The following SLC25A16 variants were observed in gnomAD, a reference collection of about 807,000 sequenced individuals.
SLC25A16 encodes the protein mitochondrial coenzyme A transporter SLC25A16.
In SLC25A16, 39 loss-of-function variants were observed where a neutral mutation model predicts 41.5. The observed-to-expected ratio is 0.94, with a 90% CI of 0.73 to 1.23. The LOEUF is 1.23. SLC25A16 is among the 50% of genes most tolerant of loss of function. The pLI is 0.00. For synonymous variants in SLC25A16, 146 were observed against 147.8 expected (o/e 0.99, Z 0.09); for missense variants, 421 against 426.9 (o/e 0.99, Z 0.12).
chr10:68,525,012 A>C (rs1446074956), intron 1 of SLC25A16, among the ~76,000 whole-genome samples: 1 of 151,804 alleles, frequency 6.6e-6, no homozygotes, highest in Non-Finnish European at 1.5e-5. Flanking sequence ...ACGCCACTGC[A>C]CTCCTGCCTG....
intron 6 of SLC25A16, among the ~76,000 whole-genome samples, 173 bp from the exon 7 acceptor site, chr10:68,488,802 A>G (rs963099589): frequency 6.6e-6 from 1 of 152,236 alleles, no homozygotes; most frequent in Admixed American, 6.6e-5. Context: ...CACCAATAAA[A>G]AATTATAGCT....
chr10:68,495,801 A>AAG (rs1554916791), intron 4 of SLC25A16, among the ~76,000 whole-genome samples: 1 of 147,844 alleles, frequency 6.8e-6, no homozygotes, highest in Non-Finnish European at 1.5e-5. Context: ...AAAAAAAAAA[A>AAG]GAGAAAAGAG....
At chr10:68,518,757 G>C (rs1281453304) in intron 1 of SLC25A16, among the ~76,000 whole-genome samples, 12 of 151,096 alleles carry the variant, frequency 7.9e-5, no homozygotes, top group Non-Finnish European at 1.6e-4. Flanking sequence ...CCGAGCAACA[G>C]AGCAGGTCTC....
At chr10:68,519,179 T>G (rs2053210372) in intron 1 of SLC25A16, among the ~76,000 whole-genome samples, 1 of 149,728 alleles carries the variant, frequency 6.7e-6, no homozygotes, top group African/African-American at 2.5e-5. Flanking sequence ...GCAACAAGAA[T>G]GAAACTCCGT....
At chr10:68,486,473 T>C (rs2052565401) in intron 8 of SLC25A16, among the ~76,000 whole-genome samples, 1 of 151,614 alleles carries the variant, frequency 6.6e-6, no homozygotes, top group South Asian at 2.1e-4. Flanking sequence ...TGTCGCCAAA[T>C]TGGCTCACTG....
rs537141894 is a variant in SLC25A16 at position 68,515,801 on chromosome 10, A to T, written c.223+950T>A. Among the ~76,000 whole-genome samples the T allele has an allele frequency of 2.0e-4, 30 of 151,662 alleles. 1 individual carries two copies. The highest frequency in any genetic ancestry group is 8.6e-4 in the Admixed American group (13 of 15,186). On this transcript the variant is annotated intron_variant, in intron 2 of 8. Coordinates refer to ENST00000609923, the MANE Select transcript of SLC25A16 (RefSeq NM_152707.4). ...CAACAAGAGCGAAACTCTGCCTCAAAAAATAAATAAATAAATAAATAAATA... is the reference window on the plus strand; with the variant it reads ...CAACAAGAGCGAAACTCTGCCTCAATAAATAAATAAATAAATAAATAAATA...
At chr10:68,495,951 C>A (rs1456127336) in intron 4 of SLC25A16, among the ~76,000 whole-genome samples, 1 of 152,002 alleles carries the variant, frequency 6.6e-6, no homozygotes, top group Non-Finnish European at 1.5e-5. Context: ...GTACCCAAAT[C>A]AGGGTTTTGT....
At chr10:68,500,208 T>C (rs1315983830) in intron 4 of SLC25A16, among the ~76,000 whole-genome samples, 1 of 152,158 alleles carries the variant, frequency 6.6e-6, no homozygotes, top group Non-Finnish European at 1.5e-5. Flanking sequence ...AAAGTTACAT[T>C]TAGAAGCCTT....
intron 3 of SLC25A16, among the ~76,000 whole-genome samples, 197 bp downstream of exon 3, chr10:68,506,388 G>C (rs955583157): frequency 1.3e-5 from 2 of 151,746 alleles, no homozygotes; most frequent in African/African-American, 4.8e-5. Flanking sequence ...AGGTTGCAGT[G>C]AGCCTTTCAA....
At chr10:68,513,323 T>G (rs1353634182) in intron 2 of SLC25A16, among the ~76,000 whole-genome samples, 5 of 147,714 alleles carry the variant, frequency 3.4e-5, no homozygotes, top group African/African-American at 7.5e-5. Context: ...ACAGGAGAAC[T>G]GCTTGAACCC....
chr10:68,509,059 C>T (rs907811821), intron 2 of SLC25A16, among the ~76,000 whole-genome samples: 5 of 152,030 alleles, frequency 3.3e-5, no homozygotes, highest in African/African-American at 1.2e-4. Flanking sequence ...AATTAAGGGC[C>T]GGGCGCGGTG....
At chr10:68,484,403 G>A (rs1168905190) in intron 8 of SLC25A16, among the ~76,000 whole-genome samples, 3 of 150,716 alleles carry the variant, frequency 2.0e-5, no homozygotes, top group Non-Finnish European at 2.9e-5. Flanking sequence ...AGGCAATCTG[G>A]ACCGAAATCT....
intron 4 of SLC25A16, among the ~76,000 whole-genome samples, chr10:68,494,278 AT>A (rs2052710818): frequency 6.6e-6 from 1 of 151,930 alleles, no homozygotes; most frequent in Non-Finnish European, 1.5e-5. Flanking sequence ...CCTGGCCAAC[AT>A]GGTGAAACCC....
intron 2 of SLC25A16, among the ~76,000 whole-genome samples, chr10:68,514,017 C>T (rs576343100): frequency 6.5e-4 from 99 of 152,112 alleles, no homozygotes; most frequent in African/African-American, 1.8e-3. Context: ...ATGGCAAAAC[C>T]CTGTCTCTCT....
At chr10:68,499,764 A>T in intron 4 of SLC25A16, 1 of 395,800 alleles carries the variant, frequency 2.5e-6, no homozygotes, top group Non-Finnish European at 4.9e-6. Flanking sequence ...ACAGGAAGAA[A>T]TGTCATCTAC....
At chr10:68,492,114 C>A (rs1245270479) in intron 6 of SLC25A16, among the ~76,000 whole-genome samples, 3 of 152,184 alleles carry the variant, frequency 2.0e-5, no homozygotes. Flanking sequence ...GCCACCACAC[C>A]CGGCTCCTTT....
intron 2 of SLC25A16, among the ~76,000 whole-genome samples, chr10:68,516,272 A>T (rs1302096974): frequency 6.6e-6 from 1 of 152,138 alleles, no homozygotes; most frequent in African/African-American, 2.4e-5. Context: ...TCCAGTTTCC[A>T]TTGGCTGGAA....
At chr10:68,520,033 C>A (rs2053224919) in intron 1 of SLC25A16, among the ~76,000 whole-genome samples, 1 of 147,174 alleles carries the variant, frequency 6.8e-6, no homozygotes, top group Non-Finnish European at 1.5e-5. Flanking sequence ...TCACTACAAC[C>A]TTCACCTCCC....
rs2052956957 is a variant in SLC25A16, at chr10:68,506,496, T to C, written c.357+89A>G. ...TAACTTTTTAAAAATATGAAACTTT[T>C]ACATATTTTTAAATGTCCAAAGCAA... On this transcript the variant is annotated intron_variant, in intron 3 of 8. Transcript: ENST00000609923. 3 of 868,960 alleles carry C rather than the reference T, an allele frequency of 3.5e-6. No homozygotes were observed. The South Asian group carries it at 1.0e-4, about 29-fold the overall frequency. 53.8% of individuals were successfully genotyped at this position (868,960 alleles called of 1,614,324 possible). A position where few individuals can be genotyped will look rare whatever the true frequency, so the allele number is the denominator to read the frequency against.
Sources: allele counts gnomAD v4.1 joint callset (sites outside exome capture counted in the v4.1 genomes callset), GRCh38; gene constraint gnomAD v4.1.1; transcripts MANE v1.5; gene names NCBI Gene and HGNC (gene_info 2026-07-23, HGNC 2026-07-21).